Variants in POC1B observed in about 807,000 individuals in gnomAD.
The protein encoded by POC1B is POC1 centriolar protein B, also known as POC1 centriolar protein homolog B.
In POC1B, 44 loss-of-function variants were observed where a neutral mutation model predicts 60.6. The observed-to-expected ratio is 0.73, with a 90% CI of 0.57 to 0.93. The LOEUF is 0.93. Among genes scored for constraint, POC1B ranks in the 40% least tolerant of loss-of-function variants. The probability of loss-of-function intolerance (pLI) is 0.00; values close to 1 mark genes in which losing one functional copy is unlikely to be tolerated. For synonymous variants in POC1B, 180 were observed against 198.9 expected (o/e 0.90, Z 0.80); for missense variants, 555 against 572.3 (o/e 0.97, Z 0.31).
At chr12:89,402,778 C>T in the POC1B span, among the ~76,000 whole-genome samples, 1 of 152,160 alleles carries the variant, frequency 6.6e-6, no homozygotes, top group Non-Finnish European at 1.5e-5. Context: ...CTCGCTCTTT[C>T]ACCCAGGCTA....
chr12:89,459,803 C>T, intron 9 of POC1B, 85 bp from the exon 10 acceptor site: 3 of 697,810 alleles, frequency 4.3e-6, no homozygotes, highest in Non-Finnish European at 6.7e-6. Flanking sequence ...AGGGCATTTT[C>T]TAATATATTC....
chr12:89,426,832 A>T (rs1880786216), intron 10 of POC1B: 1 of 152,146 alleles, frequency 6.6e-6, no homozygotes, highest in Non-Finnish European at 1.5e-5. Context: ...TCAAAAAAAA[A>T]AAAAAAGAAA....
At chr12:89,491,074 G>A (rs1247629731) in intron 4 of POC1B, among the ~76,000 whole-genome samples, 1 of 152,002 alleles carries the variant, frequency 6.6e-6, no homozygotes, top group Non-Finnish European at 1.5e-5. Flanking sequence ...CAGGGCACAA[G>A]TCAGCGCTGC....
intron 10 of POC1B, among the ~76,000 whole-genome samples, chr12:89,444,206 A>C (rs1881663297): frequency 6.6e-6 from 1 of 152,196 alleles, no homozygotes; most frequent in Non-Finnish European, 1.5e-5. Context: ...TTCCTTCTGA[A>C]ACTATTCCAA....
the POC1B span, among the ~76,000 whole-genome samples, chr12:89,412,847 CT>C: frequency 8.8e-4 from 89 of 101,310 alleles, no homozygotes; most frequent in South Asian, 0.013. Context: ...TCCTTCCTTC[CT>C]TTCCTTCCTC....
intron 2 of POC1B, chr12:89,502,212 G>A: frequency 8.7e-7 from 1 of 1,155,656 alleles, no homozygotes; most frequent in Non-Finnish European, 1.3e-6. Flanking sequence ...ATAATGATGT[G>A]GATGATGAGG....
At position 89,457,994 on chromosome 12, in the gene POC1B, T is replaced by C. The variant is rs138855310; in HGVS notation, c.1113+1644A>G. ...CCTGCTGTCCCTTGCTAAGAGGCAGTTATGCCCACCTCAATAGCACTGTCT... is the reference window on the plus strand; with the variant it reads ...CCTGCTGTCCCTTGCTAAGAGGCAGCTATGCCCACCTCAATAGCACTGTCT... On this transcript the variant is annotated intron_variant, in intron 10 of 11. Coordinates refer to ENST00000313546, the MANE Select transcript of POC1B (RefSeq NM_172240.3). 2.9e-3 allele frequency among the ~76,000 whole-genome samples: 446 copies of C among 152,302 alleles called. 3 individuals carry two copies. Among genetic ancestry groups the C allele is most frequent in the African/African-American group, 0.011 (438 of 41,572 alleles).
Position 89,525,093 on chromosome 12 carries a change from C to CA in POC1B, c.100+26dup, listed in dbSNP as rs917707784. On this transcript the variant is annotated intron_variant, in intron 2 of 11. Transcript: ENST00000313546. ...CGGCCCATGGAGTTTAGTCTCATTA[C>CA]AAAAGCAAAACAAGAATAAGACTTA... 5 of 1,613,732 alleles carry CA rather than the reference C, an allele frequency of 3.1e-6. No individual in the cohort carries two copies. In the Admixed American group the frequency reaches 8.3e-5, roughly 27 times the overall value.
chr12:89,421,140 A>G lies in POC1B; in HGVS notation c.*13T>C, dbSNP rs374735192. The G allele has an allele frequency of 3.4e-4, 527 of 1,567,312 alleles. No individual in the cohort carries two copies. Among genetic ancestry groups the G allele is most frequent in the Non-Finnish European group, 4.3e-4 (488 of 1,145,730 alleles). On this transcript the variant is annotated 3_prime_UTR_variant, in exon 12 of 12. Coordinates refer to ENST00000313546, the MANE Select transcript of POC1B (RefSeq NM_172240.3). ...TTGGGCCTCTGCCCAACAAATGAAA[A>G]TGAATTTTTTATTCAGCTTTTCTGT...
intron 4 of POC1B, among the ~76,000 whole-genome samples, chr12:89,473,676 A>AAAAAAAAAAAAAAC: frequency 1.3e-5 from 2 of 151,480 alleles, no homozygotes; most frequent in Non-Finnish European, 1.5e-5. Context: ...GAAAAAAAAA[A>AAAAAAAAAAAAAAC]AAAAAAAAAA....
intron 4 of POC1B, among the ~76,000 whole-genome samples, chr12:89,489,104 T>C (rs2135735321): frequency 6.6e-6 from 1 of 152,292 alleles, no homozygotes; most frequent in African/African-American, 2.4e-5. Flanking sequence ...TCAACCCAAG[T>C]TACAAAGTAT....
At chr12:89,411,811 G>T in the POC1B span, among the ~76,000 whole-genome samples, 1 of 152,190 alleles carries the variant, frequency 6.6e-6, no homozygotes, top group Non-Finnish European at 1.5e-5. Context: ...CTTTTCATGT[G>T]ATTTTTGCCT....
intron 11 of POC1B, among the ~76,000 whole-genome samples, chr12:89,423,614 T>C (rs992545335): frequency 1.3e-5 from 2 of 152,246 alleles, no homozygotes; most frequent in Non-Finnish European, 2.9e-5. Context: ...CTTAGTTAGG[T>C]GATGTTAAGT....
chr12:89,517,158 C>T (rs1870481004), intron 2 of POC1B, among the ~76,000 whole-genome samples: 1 of 152,168 alleles, frequency 6.6e-6, no homozygotes, highest in Admixed American at 6.6e-5. Flanking sequence ...TTCTGGCATT[C>T]TTATACTTTC....
At chr12:89,499,601 T>A (rs1162601246) in intron 2 of POC1B, among the ~76,000 whole-genome samples, 1 of 149,880 alleles carries the variant, frequency 6.7e-6, no homozygotes, top group African/African-American at 2.4e-5. Flanking sequence ...ACACTGCCAC[T>A]TTGACAATAA....
rs777455107 is a variant in POC1B at position 89,448,142 on chromosome 12, T to A, written c.1113+11496A>T. Among the ~76,000 whole-genome samples the A allele has an allele frequency of 4.7e-4, 71 of 152,132 alleles. 1 individual carries two copies. The Middle Eastern group carries it at 0.014, about 29-fold the overall frequency. Reference sequence around the variant, plus strand: ...ATTTACCAGGAAAGCATAGCTGTGTTTAAAAATAAAAGTCAGGATGGGCAT... The same window carrying A: ...ATTTACCAGGAAAGCATAGCTGTGTATAAAAATAAAAGTCAGGATGGGCAT... On this transcript the variant is annotated intron_variant, in intron 10 of 11. Transcript: ENST00000313546.
intron 10 of POC1B, among the ~76,000 whole-genome samples, chr12:89,436,846 C>T (rs1881290663): frequency 6.6e-6 from 1 of 152,112 alleles, no homozygotes; most frequent in African/African-American, 2.4e-5. Flanking sequence ...TACTATGGAG[C>T]AGCAGTTTAC....
intron 9 of POC1B, among the ~76,000 whole-genome samples, chr12:89,465,154 C>G (rs1882639302): frequency 6.6e-6 from 1 of 152,092 alleles, no homozygotes; most frequent in Non-Finnish European, 1.5e-5. Context: ...TCAGCCTGAC[C>G]CAGCAACACA....
chr12:89,524,001 C>T (rs1478644003), intron 2 of POC1B: 1 of 1,613,732 alleles, frequency 6.2e-7, no homozygotes, highest in Non-Finnish European at 8.5e-7. Context: ...CAAGTTGTGT[C>T]TTCAAATAAA....
Sources: allele counts gnomAD v4.1 joint callset (sites outside exome capture counted in the v4.1 genomes callset), GRCh38; gene constraint gnomAD v4.1.1; transcripts MANE v1.5; gene names NCBI Gene and HGNC (gene_info 2026-07-23, HGNC 2026-07-21).